PTPRK: variants seen among roughly 807,000 people sequenced by gnomAD.
The protein encoded by PTPRK is protein tyrosine phosphatase receptor type K, also known as receptor-type tyrosine-protein phosphatase kappa.
Under a neutral mutation model 178.0 loss-of-function variants are expected in PTPRK, and 75 were observed. The ratio of observed to expected loss-of-function variants is 0.42; its 90% CI spans 0.35 to 0.51. PTPRK has a LOEUF of 0.51. PTPRK is among the 20% of genes least tolerant of loss of function. PTPRK has a pLI of 0.02. For synonymous variants in PTPRK, 637 were observed against 620.6 expected (o/e 1.03, Z -0.39); for missense variants, 1,441 against 1,797.8 (o/e 0.80, Z 3.59).
intron 13 of PTPRK, among the ~76,000 whole-genome samples, chr6:128,042,419 C>T (rs1241730815): frequency 6.6e-6 from 1 of 151,982 alleles, no homozygotes; most frequent in African/African-American, 2.4e-5. Flanking sequence ...TCTTTTTCTA[C>T]AGACTCAAGG....
chr6:128,131,651 C>A (rs1004295988), intron 7 of PTPRK, among the ~76,000 whole-genome samples: 17 of 152,160 alleles, frequency 1.1e-4, no homozygotes, highest in African/African-American at 4.1e-4. Flanking sequence ...AATATGCCCT[C>A]CTTCAAGTCA....
rs960089284 is a variant in PTPRK at position 128,411,013 on chromosome 6, T to A, written c.101-13325A>T. On this transcript the variant is annotated intron_variant, in intron 1 of 29. Coordinates refer to ENST00000368226, the MANE Select transcript of PTPRK (RefSeq NM_002844.4). ...CTCAAGTGATCCTCCTGCCTCAGAC[T>A]CCTGAGTACCTGGGACTATAGGTGC... is the stretch of plus-strand genomic sequence containing the variant. Among the ~76,000 whole-genome samples the A allele has an allele frequency of 6.6e-5, 10 of 152,176 alleles. 1 individual carries two copies. The highest frequency in any genetic ancestry group is 2.4e-4 in the African/African-American group (10 of 41,432).
At chr6:128,279,533 G>A (rs891532289) in intron 3 of PTPRK, among the ~76,000 whole-genome samples, 1 of 152,148 alleles carries the variant, frequency 6.6e-6, no homozygotes, top group African/African-American at 2.4e-5. Flanking sequence ...GATCAATGAA[G>A]TTGGAAGCCA....
At chr6:128,010,838 G>A (rs1778971014) in intron 13 of PTPRK, among the ~76,000 whole-genome samples, 2 of 151,122 alleles carry the variant, frequency 1.3e-5, no homozygotes, top group South Asian at 2.1e-4. Context: ...GCTTTGGCTG[G>A]TGTATTTTGG....
chr6:128,143,414 T>C lies in PTPRK; in HGVS notation c.1162+41018A>G, dbSNP rs111726716. 9.8e-3 allele frequency among the ~76,000 whole-genome samples: 1,497 copies of C among 152,296 alleles called. 11 individuals are homozygous for C. Among genetic ancestry groups the C allele is most frequent in the Non-Finnish European group, 0.014 (929 of 68,024 alleles). ...TACATGAATGTTTTATTTCTGGTGGTAACTAATTTCATCTAAAACATGGTA... is the reference window on the plus strand; with the variant it reads ...TACATGAATGTTTTATTTCTGGTGGCAACTAATTTCATCTAAAACATGGTA... On this transcript the variant is annotated intron_variant, in intron 7 of 29. Transcript: ENST00000368226.
chr6:128,135,078 T>TCACACACACACACACACA (rs34254716), intron 7 of PTPRK, among the ~76,000 whole-genome samples: 189 of 136,370 alleles, frequency 1.4e-3, no homozygotes, highest in African/African-American at 4.9e-3. Context: ...AATCATTCAA[T>TCACACACACACACACACA]CACACACACA....
At chr6:128,333,085 C>CAAT (rs1830479209) in intron 2 of PTPRK, among the ~76,000 whole-genome samples, 1 of 152,140 alleles carries the variant, frequency 6.6e-6, no homozygotes, top group Admixed American at 6.5e-5. Context: ...ACCCAAAAGG[C>CAAT]AATAAAGGCT....
At chr6:128,249,539 G>T (rs982768757) in intron 3 of PTPRK, among the ~76,000 whole-genome samples, 1 of 152,078 alleles carries the variant, frequency 6.6e-6, no homozygotes, top group African/African-American at 2.4e-5. Flanking sequence ...TATAGTAGAA[G>T]AAGATAGGTT....
At chr6:128,260,047 T>C (rs1446441761) in intron 3 of PTPRK, among the ~76,000 whole-genome samples, 1 of 152,226 alleles carries the variant, frequency 6.6e-6, no homozygotes, top group Non-Finnish European at 1.5e-5. Flanking sequence ...CTTTTCATTT[T>C]ACTGATGTCT....
At chr6:127,997,038 A>G (rs745903335) in intron 16 of PTPRK, 50 bp from the exon 17 acceptor site, 2 of 1,562,366 alleles carry the variant, frequency 1.3e-6, no homozygotes, top group African/African-American at 1.4e-5. Context: ...CTTTTTAAAA[A>G]TCAGGTTTAT....
chr6:128,174,379 G>A (rs531908896), intron 7 of PTPRK, among the ~76,000 whole-genome samples: 2 of 151,994 alleles, frequency 1.3e-5, no homozygotes, highest in East Asian at 1.9e-4. Context: ...GTTGCCACTA[G>A]CGTAAAAATT....
chr6:128,010,623 A>AAT (rs1456760189), intron 13 of PTPRK, among the ~76,000 whole-genome samples: 1 of 151,328 alleles, frequency 6.6e-6, no homozygotes, highest in East Asian at 1.9e-4. Flanking sequence ...TGAAAGAATA[A>AAT]ATATATCTAA....
At chr6:128,179,413 A>G (rs1453458572) in intron 7 of PTPRK, among the ~76,000 whole-genome samples, 1 of 152,040 alleles carries the variant, frequency 6.6e-6, no homozygotes, top group East Asian at 1.9e-4. Context: ...TTACATTCCC[A>G]AGAAAATTGA....
rs117787465 is a variant in PTPRK at position 128,459,243 on chromosome 6, G to A, written c.100+61016C>T. 3.1e-3 allele frequency among the ~76,000 whole-genome samples: 476 copies of A among 152,052 alleles called. 3 individuals are homozygous for A. The highest frequency in any genetic ancestry group is 5.6e-3 in the Non-Finnish European group (383 of 67,982). On this transcript the variant is annotated intron_variant, in intron 1 of 29. Transcript: ENST00000368226. ...TACGATCACACTAAATTAATTTACC[G>A]GGCTTCTATAATGGTCAGGGCATGG...
intron 2 of PTPRK, among the ~76,000 whole-genome samples, chr6:128,328,159 C>A (rs752166379): frequency 2.0e-5 from 3 of 152,164 alleles, no homozygotes; most frequent in Non-Finnish European, 2.9e-5. Flanking sequence ...AATAGATGAT[C>A]CTTCTTTCTT....
chr6:128,468,215 G>A (rs1850138500), intron 1 of PTPRK, among the ~76,000 whole-genome samples: 1 of 152,162 alleles, frequency 6.6e-6, no homozygotes. Context: ...CACTTTAACT[G>A]CTGATTGAGC....
intron 13 of PTPRK, among the ~76,000 whole-genome samples, chr6:128,052,089 T>A (rs1234205851): frequency 6.6e-6 from 1 of 152,206 alleles, no homozygotes; most frequent in Non-Finnish European, 1.5e-5. Context: ...ATCACTCATC[T>A]GCTCCCCATA....
At chr6:128,370,432 C>T (rs1374780233) in intron 2 of PTPRK, among the ~76,000 whole-genome samples, 1 of 151,992 alleles carries the variant, frequency 6.6e-6, no homozygotes, top group African/African-American at 2.4e-5. Flanking sequence ...TTTTCATTTC[C>T]TAAATAAAAT....
chr6:128,338,476 C>T (rs920731848), intron 2 of PTPRK, among the ~76,000 whole-genome samples: 16 of 152,266 alleles, frequency 1.1e-4, no homozygotes, highest in Non-Finnish European at 7.4e-5. Context: ...AGTTCAAGTT[C>T]TTCAATGTAA....
Sources: gnomAD v4.1 joint callset for allele counts (sites outside exome capture counted in the v4.1 genomes callset) on GRCh38, gnomAD v4.1.1 for gene constraint, MANE v1.5 for transcripts, NCBI Gene and HGNC (gene_info 2026-07-23, HGNC 2026-07-21) for gene names.